The following EPHA7 variants were observed in gnomAD, a reference collection of about 807,000 sequenced individuals.
EPHA7 encodes the protein EPH receptor A7, also known as ephrin type-A receptor 7.
A neutral mutation model predicts 112.6 loss-of-function variants in EPHA7; 25 were observed. The observed-to-expected ratio is 0.22, with a 90% CI of 0.16 to 0.31. The LOEUF (loss-of-function observed/expected upper bound fraction) is 0.31, where lower values mean the gene tolerates loss of function less well. Ranked by LOEUF, EPHA7 falls within the 10% of genes least tolerant of loss-of-function variation. The probability of loss-of-function intolerance (pLI) is 1.00; values close to 1 mark genes in which losing one functional copy is unlikely to be tolerated. For missense variants in EPHA7, 962 were observed against 1,212.6 expected, an observed-to-expected ratio of 0.79 and a Z score of 3.07; for synonymous variants, 437 against 406.5, an observed-to-expected ratio of 1.07 and a Z score of -0.90.
chr6:93,281,212 A>G (rs1198786914), intron 5 of EPHA7, among the ~76,000 whole-genome samples: 9 of 152,168 alleles, frequency 5.9e-5, no homozygotes. Flanking sequence ...ATTGTAAGAA[A>G]ATGAAATGAC....
At chr6:93,400,987 T>C (rs1433325785) in intron 3 of EPHA7, among the ~76,000 whole-genome samples, 6 of 152,142 alleles carry the variant, frequency 3.9e-5, no homozygotes, top group Admixed American at 3.9e-4. Context: ...CAGTGATCTC[T>C]TCTCCAGATC....
intron 5 of EPHA7, among the ~76,000 whole-genome samples, chr6:93,283,337 A>C (rs908509918): frequency 1.3e-5 from 2 of 152,136 alleles, no homozygotes; most frequent in African/African-American, 4.8e-5. Flanking sequence ...AAAACAGACC[A>C]ATCAGCAGGA....
intron 3 of EPHA7, among the ~76,000 whole-genome samples, chr6:93,372,616 A>G (rs1224807236): frequency 1.3e-5 from 2 of 152,114 alleles, no homozygotes; most frequent in Non-Finnish European, 2.9e-5. Flanking sequence ...TAGCAAGATA[A>G]GATGCATTGC....
At chr6:93,401,094 T>C (rs913361355) in intron 3 of EPHA7, among the ~76,000 whole-genome samples, 3 of 152,066 alleles carry the variant, frequency 2.0e-5, no homozygotes, top group African/African-American at 4.8e-5. Flanking sequence ...TAGGTGCTAA[T>C]TGGGTGACAC....
intron 15 of EPHA7, among the ~76,000 whole-genome samples, chr6:93,245,898 A>G (rs889004416): frequency 1.3e-5 from 2 of 152,190 alleles, no homozygotes; most frequent in Non-Finnish European, 2.9e-5. Flanking sequence ...CAGGTGCCTA[A>G]CTTACTACCA....
chr6:93,404,189 T>C (rs981811109), intron 3 of EPHA7, among the ~76,000 whole-genome samples: 9 of 151,836 alleles, frequency 5.9e-5, no homozygotes, highest in African/African-American at 2.2e-4. Context: ...TATGTTGTGT[T>C]TTACAAAATA....
At chr6:93,282,890 C>G (rs1055343292) in intron 5 of EPHA7, among the ~76,000 whole-genome samples, 1 of 152,172 alleles carries the variant, frequency 6.6e-6, no homozygotes, top group Non-Finnish European at 1.5e-5. Context: ...CCTCCGTCCC[C>G]CTCCCCATGG....
At position 93,384,652 on chromosome 6, in the gene EPHA7, G is replaced by A. The variant is rs752733789; in HGVS notation, c.832+25849C>T. 2.2e-4 allele frequency among the ~76,000 whole-genome samples: 33 copies of A among 152,138 alleles called. 1 individual carries two copies. Among genetic ancestry groups the A allele is most frequent in the Non-Finnish European group, 4.3e-4 (29 of 68,000 alleles). On this transcript the variant is annotated intron_variant, in intron 3 of 16. Coordinates refer to ENST00000369303, the MANE Select transcript of EPHA7 (RefSeq NM_004440.4). ...TGCCTAGAAGTGCCCTCACAGGATC[G>A]CACATTTGTCTATTAAACCTCAATG...
intron 5 of EPHA7, among the ~76,000 whole-genome samples, chr6:93,293,901 G>A (rs1772515882): frequency 3.3e-5 from 5 of 152,138 alleles, no homozygotes; most frequent in Admixed American, 3.3e-4. Flanking sequence ...GATAAAAACT[G>A]GCCCGCAGGT....
At chr6:93,400,352 A>T (rs980257921) in intron 3 of EPHA7, among the ~76,000 whole-genome samples, 1 of 152,096 alleles carries the variant, frequency 6.6e-6, no homozygotes, top group African/African-American at 2.4e-5. Flanking sequence ...GAAATATAGA[A>T]TTGCACAGTG....
chr6:93,379,014 C>A (rs1349305663), intron 3 of EPHA7, among the ~76,000 whole-genome samples: 1 of 151,904 alleles, frequency 6.6e-6, no homozygotes, highest in Admixed American at 6.6e-5. Flanking sequence ...ATGAAAAACA[C>A]AAACATATAT....
chr6:93,306,190 A>G (rs1401325822), intron 5 of EPHA7, among the ~76,000 whole-genome samples: 1 of 151,964 alleles, frequency 6.6e-6, no homozygotes, highest in Non-Finnish European at 1.5e-5. Flanking sequence ...CTCTGCTTTT[A>G]TAAAGTCTCC....
chr6:93,290,959 A>C (rs947701017), intron 5 of EPHA7, among the ~76,000 whole-genome samples: 1 of 152,208 alleles, frequency 6.6e-6, no homozygotes, highest in Non-Finnish European at 1.5e-5. Context: ...CAATGAATAC[A>C]ACATTGAAAT....
At chr6:93,340,850 A>G (rs1166449771) in intron 5 of EPHA7, among the ~76,000 whole-genome samples, 1 of 151,944 alleles carries the variant, frequency 6.6e-6, no homozygotes, top group Non-Finnish European at 1.5e-5. Context: ...GAGAAAAAAA[A>G]ACAAAGTTAG....
At chr6:93,272,758 A>T (rs1771288456) in intron 5 of EPHA7, among the ~76,000 whole-genome samples, 1 of 151,984 alleles carries the variant, frequency 6.6e-6, no homozygotes, top group Non-Finnish European at 1.5e-5. Flanking sequence ...CCAGTGATAA[A>T]CTAAGTCCAA....
Position 93,269,649 on chromosome 6 carries a change from T to C in EPHA7, c.1461A>G (p.Glu487=). 6.5e-7 allele frequency: 1 copy of C among 1,539,322 alleles called. No individual in the cohort carries two copies. The highest frequency in any genetic ancestry group is 8.7e-7 in the Non-Finnish European group (1 of 1,148,554). Residue 487 remains glutamate (E), a synonymous_variant, in exon 7 of 17, where the codon GAA becomes GAG. Transcript: ENST00000369303. ...EIKYYEKDQR[E]RTYSTVKTKS... ...TGGTTTTTACTGTTGAGTAGGTCCG[T>C]TCCCTTTGATCCTAGAAACAATATT... is the stretch of plus-strand genomic sequence containing the variant.
rs1238404709 is a variant in EPHA7 at position 93,240,728 on chromosome 6, C to T, written c.*2698G>A. ...ACGTTCACTTTCTCTACTTTTCCTC[C>T]CCTGAGCACTAATTTATTTAAAAAA... On this transcript the variant is annotated 3_prime_UTR_variant, in exon 17 of 17. Coordinates refer to ENST00000369303, the MANE Select transcript of EPHA7 (RefSeq NM_004440.4). 1 of 213,204 alleles carries T rather than the reference C, an allele frequency of 4.7e-6. No homozygotes were observed. The highest frequency in any genetic ancestry group is 2.3e-5 in the African/African-American group (1 of 43,724). The allele number at this position is 213,204 out of a possible 1,614,324, so 13.2% of individuals were successfully genotyped here.
At chr6:93,388,015 T>C (rs1777716345) in intron 3 of EPHA7, among the ~76,000 whole-genome samples, 2 of 152,016 alleles carry the variant, frequency 1.3e-5, no homozygotes, top group African/African-American at 4.8e-5. Flanking sequence ...CACATGTACA[T>C]ATAGCAATTC....
chr6:93,275,975 C>G (rs1771450632), intron 5 of EPHA7, among the ~76,000 whole-genome samples: 1 of 151,888 alleles, frequency 6.6e-6, no homozygotes, highest in South Asian at 2.1e-4. Context: ...TACCCCCTGC[C>G]AACAGGTTAA....
Sources: gnomAD v4.1 joint callset for allele counts (sites outside exome capture counted in the v4.1 genomes callset) on GRCh38, gnomAD v4.1.1 for gene constraint, MANE v1.5 for transcripts, NCBI Gene and HGNC (gene_info 2026-07-23, HGNC 2026-07-21) for gene names.